XAGE2: variants seen among roughly 807,000 people sequenced by gnomAD.
XAGE2 encodes the protein G antigen family D member 3.
XAGE2 carries 7 observed loss-of-function variants against 9.9 expected under a neutral mutation model. The ratio of observed to expected loss-of-function variants is 0.71; its 90% CI spans 0.40 to 1.32. The LOEUF is 1.32. XAGE2 is among the 40% of genes most tolerant of loss of function. XAGE2 has a pLI of 0.01. For synonymous variants in XAGE2, 31 were observed against 26.8 expected, an observed-to-expected ratio of 1.16 and a Z score of -0.48; for missense variants, 85 against 81.0, an observed-to-expected ratio of 1.05 and a Z score of -0.19.
intron 1 of XAGE2, among the ~76,000 whole-genome samples, 153 bp downstream of exon 1, chrX:52,369,367 G>A (rs998813119): frequency 0.031 from 3,415 of 110,690 alleles, 68 homozygotes; most frequent in Non-Finnish European, 0.05. Context: ...TCGGGGTGCT[G>A]TTGGAGGTAT....
chrX:52,372,448 C>T, intron 3 of XAGE2, 96 bp from the exon 4 acceptor site: 4 of 1,092,937 alleles, frequency 3.7e-6, no homozygotes, highest in Non-Finnish European at 5.1e-6. Flanking sequence ...AGCCTACAGG[C>T]TTTTATGTCA....
chrX:52,373,872 G>A (rs1009535731), intron 4 of XAGE2, among the ~76,000 whole-genome samples: 1 of 111,408 alleles, frequency 9.0e-6, no homozygotes, highest in African/African-American at 3.3e-5. Context: ...TTCAGGAGCC[G>A]ATTGAACAAG....
intron 1 of XAGE2, among the ~76,000 whole-genome samples, chrX:52,369,759 A>C (rs1013115059): frequency 2.3e-4 from 26 of 112,597 alleles, no homozygotes; most frequent in Middle Eastern, 9.2e-3. Context: ...GTGAAACCAA[A>C]TCTCATCAGA....
chrX:52,370,535 T>A, intron 2 of XAGE2, 32 bp from the exon 3 acceptor site: 1 of 1,157,325 alleles, frequency 8.6e-7, no homozygotes. Context: ...AAACTTTTTA[T>A]CTGCACACAT....
At chrX:52,369,263 C>A (rs1046704406) in intron 1 of XAGE2, 49 bp downstream of exon 1, 1 of 111,701 alleles carries the variant, frequency 9.0e-6, no homozygotes, top group African/African-American at 3.3e-5. Flanking sequence ...GGTCAGGCGG[C>A]GTGGTCTGTG....
At chrX:52,374,467 G>A (rs984221433) in intron 4 of XAGE2, among the ~76,000 whole-genome samples, 2 of 111,692 alleles carry the variant, frequency 1.8e-5, no homozygotes, top group Non-Finnish European at 3.8e-5. Flanking sequence ...TCCTGACCTC[G>A]GGTGATCCAC....
chrX:52,375,470 C>A, intron 4 of XAGE2, 99 bp from the exon 5 acceptor site: 1 of 884,619 alleles, frequency 1.1e-6, no homozygotes, highest in South Asian at 2.2e-5. Flanking sequence ...GGTCTTAGTC[C>A]ACTGTACGAA....
Position 52,370,007 on chromosome X carries a change from A to C in XAGE2, c.-8A>C. The C allele has an allele frequency of 8.3e-7, 1 of 1,211,343 alleles. No individual in the cohort carries two copies. Among genetic ancestry groups the C allele is most frequent in the Admixed American group, 2.2e-5 (1 of 46,144 alleles). ...CCCAATCACAGTATTCTGTTTGCAG[A>C]GTGAAATATGAGTTGGCGAGGAAGA... On this transcript the variant is annotated splice_region_variant and 5_prime_UTR_variant, in exon 2 of 5. Coordinates refer to ENST00000286049, the MANE Select transcript of XAGE2 (RefSeq NM_130777.3).
intron 3 of XAGE2, among the ~76,000 whole-genome samples, chrX:52,371,036 C>T (rs1321818780): frequency 7.2e-5 from 8 of 111,421 alleles, no homozygotes; most frequent in African/African-American, 2.3e-4. Flanking sequence ...GTTATAAGCA[C>T]CCTTTTATAG....
At chrX:52,374,111 G>A (rs910099554) in intron 4 of XAGE2, among the ~76,000 whole-genome samples, 2 of 112,219 alleles carry the variant, frequency 1.8e-5, no homozygotes, top group Non-Finnish European at 3.8e-5. Flanking sequence ...TTTAAAAATA[G>A]CTATGAATAG....
intron 4 of XAGE2, 31 bp downstream of exon 4, chrX:52,372,700 T>C: frequency 8.3e-7 from 1 of 1,203,660 alleles, no homozygotes; most frequent in Middle Eastern, 2.3e-4. Flanking sequence ...CAAAGTTATG[T>C]GATTTCTATT....
chrX:52,370,096 G>T lies in XAGE2; in HGVS notation c.81+1G>T, dbSNP rs1432302365. ...TCCTGAGCTGATTGGGGCTATGCTT[G>T]TGAGTGCTTTAATATTTTGATGTTT... On this transcript the variant is annotated splice_donor_variant, in intron 2 of 4. Coordinates refer to ENST00000286049, the MANE Select transcript of XAGE2 (RefSeq NM_130777.3). LOFTEE classifies it high-confidence loss of function. 2 of 1,210,514 alleles carry T rather than the reference G, an allele frequency of 1.7e-6. No homozygotes were observed. Among genetic ancestry groups the T allele is most frequent in the East Asian group, 3.0e-5 (1 of 33,836 alleles).
At position 52,372,642 on chromosome X, in the gene XAGE2, G is replaced by T; in HGVS notation, c.286G>T (p.Ala96Ser). The change falls in exon 4 of 5, where the codon GCA (alanine) becomes TCA (serine). Residue 96 changes from alanine (A) to serine (S), a missense_variant. Transcript: ENST00000286049. ...TGTCAAGGGGAAGATTCTACCAAAA[G>T]CAGAGCACTTTAAAATGCCAGAAGC... ...TDVKGKILPKAEHFKMPEAGE... is the reference protein window; with the variant it reads ...TDVKGKILPKSEHFKMPEAGE... The T allele has an allele frequency of 3.3e-6, 4 of 1,211,317 alleles. No homozygotes were observed. Among genetic ancestry groups the T allele is most frequent in the Non-Finnish European group, 4.5e-6 (4 of 895,165 alleles).
At chrX:52,375,425 T>C in intron 4 of XAGE2, 144 bp from the exon 5 acceptor site, 3 of 535,559 alleles carry the variant, frequency 5.6e-6, no homozygotes, top group East Asian at 7.2e-5. Flanking sequence ...AGAGGTCTAA[T>C]TGAATGTAAG....
intron 4 of XAGE2, among the ~76,000 whole-genome samples, chrX:52,373,324 T>A (rs1002570792): frequency 8.9e-6 from 1 of 112,185 alleles, no homozygotes; most frequent in Non-Finnish European, 1.9e-5. Context: ...GAGACTTGAA[T>A]GAGTGTTCTT....
At chrX:52,371,910 A>G (rs2146414590) in intron 3 of XAGE2, among the ~76,000 whole-genome samples, 1 of 112,185 alleles carries the variant, frequency 8.9e-6, no homozygotes, top group Non-Finnish European at 1.9e-5. Flanking sequence ...AGTCTTTCAG[A>G]AAATTATCTT....
At position 52,370,115 on chromosome X, in the gene XAGE2, G is replaced by A. The variant is rs1247980817; in HGVS notation, c.81+20G>A. On this transcript the variant is annotated intron_variant, in intron 2 of 4. Coordinates refer to ENST00000286049, the MANE Select transcript of XAGE2 (RefSeq NM_130777.3). ...ATGCTTGTGAGTGCTTTAATATTTT[G>A]ATGTTTTTTATTAGCAGAAATTTCT... The A allele has an allele frequency of 8.3e-6, 10 of 1,202,057 alleles. No homozygotes were observed. Among genetic ancestry groups the A allele is most frequent in the Middle Eastern group, 2.3e-4 (1 of 4,322 alleles).
At position 52,375,555 on chromosome X, in the gene XAGE2, T is replaced by C. The variant is rs1921294180; in HGVS notation, c.314-14T>C. The C allele has an allele frequency of 9.1e-6, 11 of 1,205,238 alleles. No homozygotes were observed. Among genetic ancestry groups the C allele is most frequent in the Admixed American group, 2.2e-5 (1 of 45,787 alleles). On this transcript the variant is annotated splice_polypyrimidine_tract_variant and intron_variant, in intron 4 of 4. Transcript: ENST00000286049. ...TCTGCTAGTAATGTTCCACCTGTTA[T>C]GTTTCTATTACAGGTGAAGGGAAAT...
intron 4 of XAGE2, among the ~76,000 whole-genome samples, chrX:52,375,318 G>A (rs1921289598): frequency 9.0e-6 from 1 of 111,166 alleles, no homozygotes; most frequent in Admixed American, 9.6e-5. Flanking sequence ...TCTGACCTCG[G>A]ACTGTCTTTT....
Sources: gnomAD v4.1 joint callset for allele counts (sites outside exome capture counted in the v4.1 genomes callset) on GRCh38, gnomAD v4.1.1 for gene constraint, MANE v1.5 for transcripts, NCBI Gene and HGNC (gene_info 2026-07-23, HGNC 2026-07-21) for gene names.